C10orf105: variants seen among roughly 807,000 people sequenced by gnomAD.
The protein encoded by C10orf105 is chromosome 10 open reading frame 105.
Under a neutral mutation model 0.6 loss-of-function variants are expected in C10orf105, and 2 were observed. The ratio of observed to expected loss-of-function variants is 3.18; its 90% CI spans 1.30 to 10.01. The LOEUF is 10.01. C10orf105 is among the 30% of genes most tolerant of loss of function. The pLI, the probability that C10orf105 is intolerant of heterozygous loss-of-function variation, is 0.04. For synonymous variants in C10orf105, 95 were observed against 82.4 expected (o/e 1.15, Z -0.83); for missense variants, 209 against 191.4 (o/e 1.09, Z -0.54).
At chr10:71,730,980 T>C (rs999472339) in intron 1 of C10orf105, among the ~76,000 whole-genome samples, 1 of 152,260 alleles carries the variant, frequency 6.6e-6, no homozygotes, top group East Asian at 1.9e-4. Context: ...CTCCAGCCCC[T>C]CCACGCCTTC....
chr10:71,729,820 G>A (rs543903458), intron 1 of C10orf105, among the ~76,000 whole-genome samples: 1 of 152,074 alleles, frequency 6.6e-6, no homozygotes, highest in South Asian at 2.1e-4. Flanking sequence ...CATGGAGTGT[G>A]AACTATTTTA....
In C10orf105 at chr10:71,712,583, T is replaced by A. The variant is rs771633733; in HGVS notation, c.*3353A>T. 6.5e-6 allele frequency: 10 copies of A among 1,530,760 alleles called. No individual in the cohort carries two copies. The highest frequency in any genetic ancestry group is 8.0e-6 in the Non-Finnish European group (9 of 1,121,916). The allele number at this position is 1,530,760 out of a possible 1,614,324, so 94.8% of individuals were successfully genotyped here. A position where few individuals can be genotyped will look rare whatever the true frequency, so the allele number is the denominator to read the frequency against. Reference sequence around the variant, plus strand: ...CGGAACAGGGCACCTCTCTGGCCGGTGCCCGGGAGTGTGCAAAGTCACAGG... The same window carrying A: ...CGGAACAGGGCACCTCTCTGGCCGGAGCCCGGGAGTGTGCAAAGTCACAGG... On this transcript the variant is annotated 3_prime_UTR_variant, in exon 2 of 2. Coordinates refer to ENST00000441508, the MANE Select transcript of C10orf105 (RefSeq NM_001164375.3).
upstream of C10orf105, among the ~76,000 whole-genome samples, chr10:71,723,353 A>C (rs989874241): frequency 1.3e-5 from 2 of 151,942 alleles, no homozygotes; most frequent in Non-Finnish European, 2.9e-5. Flanking sequence ...TCGAGGCTGC[A>C]CTCCTTGTAA....
In C10orf105 at chr10:71,713,617, TG is replaced by T; in HGVS notation, c.*2318del. On this transcript the variant is annotated 3_prime_UTR_variant, in exon 2 of 2. Coordinates refer to ENST00000441508, the MANE Select transcript of C10orf105 (RefSeq NM_001164375.3). ...GAGAGCCCAGAAAGCCCTGAGGATTTGCGAGAGTGTGGTGGCTAGCTCCAGA... is the reference window on the plus strand; with the variant it reads ...GAGAGCCCAGAAAGCCCTGAGGATTTCGAGAGTGTGGTGGCTAGCTCCAGA... 3.0e-6 allele frequency: 1 copy of T among 330,820 alleles called. No homozygotes were observed. Among genetic ancestry groups the T allele is most frequent in the South Asian group, 3.3e-5 (1 of 30,278 alleles). The allele number at this position is 330,820 out of a possible 1,614,324, so 20.5% of individuals were successfully genotyped here. A position where few individuals can be genotyped will look rare whatever the true frequency, so the allele number is the denominator to read the frequency against.
At chr10:71,737,770 G>A (rs1007211997) in exon 1 of C10orf105, 1 of 469,996 alleles carries the variant, frequency 2.1e-6, no homozygotes, top group African/African-American at 2.0e-5. Flanking sequence ...CCGTGGACTG[G>A]AGGCCTCACC....
intron 1 of C10orf105, chr10:71,734,586 C>T: frequency 6.3e-7 from 1 of 1,599,178 alleles, no homozygotes. Flanking sequence ...CTGGAAGAGC[C>T]ACAGACGGCT....
Position 71,714,819 on chromosome 10 carries a change from T to C in C10orf105, c.*1117A>G, listed in dbSNP as rs1243512186. The stretch of plus-strand genomic sequence containing the variant: ...GTGGGGCAGCTTTGTGGTGGGATCC[T>C]GGCCAGCTGACTGGGACAGGAGCTG... On this transcript the variant is annotated 3_prime_UTR_variant, in exon 2 of 2. Transcript: ENST00000441508. The C allele has an allele frequency of 6.6e-6, 1 of 152,216 alleles. No individual in the cohort carries two copies. The highest frequency in any genetic ancestry group is 1.5e-5 in the Non-Finnish European group (1 of 68,066). The allele number at this position is 152,216 out of a possible 1,614,324, so 9.4% of individuals were successfully genotyped here.
rs1324141016 is a variant in C10orf105 at position 71,714,617 on chromosome 10, A to G, written c.*1319T>C. On this transcript the variant is annotated 3_prime_UTR_variant, in exon 2 of 2. Coordinates refer to ENST00000441508, the MANE Select transcript of C10orf105 (RefSeq NM_001164375.3). ...TGGAGTTTTGGATCAAGATGAGGCT[A>G]GAAAGATTAATTGGAGCCAGCTCCC... 1 of 152,256 alleles carries G rather than the reference A, an allele frequency of 6.6e-6. No homozygotes were observed. Among genetic ancestry groups the G allele is most frequent in the Non-Finnish European group, 1.5e-5 (1 of 68,040 alleles). The allele number at this position is 152,256 out of a possible 1,614,324, so 9.4% of individuals were successfully genotyped here. A position where few individuals can be genotyped will look rare whatever the true frequency, so the allele number is the denominator to read the frequency against.
chr10:71,722,506 C>T (rs984513012), upstream of C10orf105, among the ~76,000 whole-genome samples: 1 of 152,248 alleles, frequency 6.6e-6, no homozygotes, highest in Non-Finnish European at 1.5e-5. Flanking sequence ...AAGTCGTTCA[C>T]ATATTTGACC....
At chr10:71,728,116 C>T (rs902655585) in intron 1 of C10orf105, among the ~76,000 whole-genome samples, 1 of 152,094 alleles carries the variant, frequency 6.6e-6, no homozygotes, top group African/African-American at 2.4e-5. Flanking sequence ...AAGGGTAAGG[C>T]GCACAGTTTT....
At chr10:71,734,827 C>G (rs1022397900) in intron 1 of C10orf105, among the ~76,000 whole-genome samples, 1 of 152,236 alleles carries the variant, frequency 6.6e-6, no homozygotes, top group Admixed American at 6.5e-5. Flanking sequence ...GTTCAGGCCC[C>G]TCTGGGGCAT....
intron 1 of C10orf105, among the ~76,000 whole-genome samples, chr10:71,733,581 A>G (rs1839462503): frequency 1.3e-5 from 2 of 152,218 alleles, no homozygotes; most frequent in South Asian, 4.1e-4. Flanking sequence ...GCCAGGAACC[A>G]GGGACAGAGA....
intron 1 of C10orf105, chr10:71,731,870 G>A: frequency 9.7e-7 from 1 of 1,027,168 alleles, no homozygotes. Flanking sequence ...CGGCAGAGGT[G>A]GGGCAGCCCA....
At chr10:71,725,620 C>G in intron 1 of C10orf105, 1 of 1,366,110 alleles carries the variant, frequency 7.3e-7, no homozygotes, top group Non-Finnish European at 9.9e-7. Context: ...TGGGCAGGGC[C>G]ACCACTGATT....
chr10:71,732,695 G>A, intron 1 of C10orf105: 2 of 1,305,258 alleles, frequency 1.5e-6, no homozygotes, highest in East Asian at 6.4e-5. Context: ...ATTTTCATAT[G>A]TAGGAGTAAG....
Position 71,712,993 on chromosome 10 carries a change from A to T in C10orf105, c.*2943T>A. On this transcript the variant is annotated 3_prime_UTR_variant, in exon 2 of 2. Transcript: ENST00000441508. The stretch of plus-strand genomic sequence containing the variant: ...ACCCAGGCCCTCTCCCATCCCAGGG[A>T]GTGTGGGCCCCCAGGTTGCAGAGCT... 1.3e-6 allele frequency: 1 copy of T among 787,462 alleles called. No individual in the cohort carries two copies. The highest frequency in any genetic ancestry group is 2.2e-6 in the Non-Finnish European group (1 of 455,488). 48.8% of individuals were successfully genotyped at this position (787,462 alleles called of 1,614,324 possible).
chr10:71,734,446 G>A (rs553832369), intron 1 of C10orf105: 70 of 1,479,772 alleles, frequency 4.7e-5, no homozygotes, highest in South Asian at 4.4e-4. Context: ...GCCAGGCAGC[G>A]GGCGAGGGTC....
intron 1 of C10orf105, chr10:71,725,318 G>A: frequency 6.2e-7 from 1 of 1,613,288 alleles, no homozygotes; most frequent in South Asian, 1.1e-5. Flanking sequence ...GGCCAGCACA[G>A]CAGGAGACTT....
intron 1 of C10orf105, chr10:71,732,599 C>T: frequency 1.4e-6 from 2 of 1,383,364 alleles, no homozygotes; most frequent in Non-Finnish European, 1.9e-6. Context: ...CACCACTGCA[C>T]TCCAGCCCGG....
Sources: allele counts gnomAD v4.1 joint callset (sites outside exome capture counted in the v4.1 genomes callset), GRCh38; gene constraint gnomAD v4.1.1; transcripts MANE v1.5; gene names NCBI Gene and HGNC (gene_info 2026-07-23, HGNC 2026-07-21).